Variants in DNAH5 observed in about 807,000 individuals in gnomAD.
DNAH5 encodes axonemal beta dynein heavy chain 5.
In DNAH5, 372 loss-of-function variants were observed where a neutral mutation model predicts 518.2. That is an observed-to-expected ratio of 0.72 (90% confidence interval 0.66 to 0.78). The LOEUF (loss-of-function observed/expected upper bound fraction) is 0.78. DNAH5 is among the 30% of genes least tolerant of loss of function. DNAH5 has a pLI of 0.00. For synonymous variants in DNAH5, 2,039 were observed against 2,025.9 expected (o/e 1.01, Z -0.17); for missense variants, 5,523 against 5,687.0 (o/e 0.97, Z 0.93).
intron 35 of DNAH5, among the ~76,000 whole-genome samples, chr5:13,834,682 T>C (rs1329377707): frequency 6.6e-6 from 1 of 152,112 alleles, no homozygotes; most frequent in East Asian, 1.9e-4. Flanking sequence ...TATGCCACTA[T>C]TGAAGGAAGA....
In DNAH5 at chr5:13,778,496, A is replaced by AGGG. The variant is rs1561233431; in HGVS notation, c.8952-1142_8952-1141insCCC. On this transcript the variant is annotated intron_variant, in intron 53 of 78. Coordinates refer to ENST00000265104, the MANE Select transcript of DNAH5 (RefSeq NM_001369.3). ...GAAGGAAAGAAGGAAGGAAGGAAGG[A>AGGG]AGGGAGGGAGGGAGGGAGGGGAGAG... Among the ~76,000 whole-genome samples, 323 of 84,806 alleles carry AGGG rather than the reference A, an allele frequency of 3.8e-3. 9 individuals carry two copies. The highest frequency in any genetic ancestry group is 7.8e-3 in the African/African-American group (157 of 20,084). 55.6% of individuals were successfully genotyped at this position (84,806 alleles called of 152,430 possible). A position where few individuals can be genotyped will look rare whatever the true frequency, so the allele number is the denominator to read the frequency against.
At chr5:13,911,230 T>C (rs2151977408) in intron 12 of DNAH5, 156 bp downstream of exon 12, 1 of 669,896 alleles carries the variant, frequency 1.5e-6, no homozygotes, top group Non-Finnish European at 2.7e-6. Flanking sequence ...CCTTCAATTA[T>C]TAATCTGAAA....
intron 1 of DNAH5, among the ~76,000 whole-genome samples, chr5:13,966,450 A>G (rs983222756): frequency 6.6e-6 from 1 of 152,180 alleles, no homozygotes; most frequent in African/African-American, 2.4e-5. Flanking sequence ...ACTGTTTTCC[A>G]TAGTGGTTGT....
chr5:13,954,996 G>A (rs1033752294), intron 1 of DNAH5, among the ~76,000 whole-genome samples: 14 of 152,066 alleles, frequency 9.2e-5, no homozygotes, highest in Admixed American at 5.2e-4. Flanking sequence ...CACAATCAAC[G>A]CGAAGTCAAA....
intron 2 of DNAH5, 22 bp from the exon 3 acceptor site, chr5:13,928,200 G>C (rs1022280631): frequency 1.3e-6 from 2 of 1,585,876 alleles, no homozygotes; most frequent in Non-Finnish European, 1.7e-6. Flanking sequence ...AAAAAGGCAA[G>C]ATAATGATTT....
chr5:13,825,940 T>A (rs1011060260), intron 38 of DNAH5, among the ~76,000 whole-genome samples: 2 of 152,250 alleles, frequency 1.3e-5, no homozygotes, highest in Non-Finnish European at 2.9e-5. Context: ...TATGCCTCAC[T>A]TAAGACTAGT....
chr5:13,909,806 G>T (rs10065877), intron 12 of DNAH5, among the ~76,000 whole-genome samples: 1 of 152,188 alleles, frequency 6.6e-6, no homozygotes, highest in African/African-American at 2.4e-5. Context: ...TGAGCTGCGA[G>T]GGCATATCTA....
chr5:13,835,569 C>T (rs1352105255), intron 35 of DNAH5, among the ~76,000 whole-genome samples: 2 of 152,034 alleles, frequency 1.3e-5, no homozygotes, highest in Non-Finnish European at 2.9e-5. Context: ...GACATCATTG[C>T]GATCTGCATT....
At chr5:13,900,086 C>T in intron 15 of DNAH5, 120 bp downstream of exon 15, 1 of 935,046 alleles carries the variant, frequency 1.1e-6, no homozygotes. Flanking sequence ...GCACTGTCCC[C>T]TCAGTCACTC....
chr5:13,871,652 C>T lies in DNAH5; in HGVS notation c.3510G>A (p.Glu1170=). The T allele has an allele frequency of 6.2e-7, 1 of 1,613,760 alleles. No individual in the cohort carries two copies. Residue 1170 remains glutamate, a synonymous_variant, in exon 23 of 79, where the codon GAG becomes GAA. Coordinates refer to ENST00000265104, the MANE Select transcript of DNAH5 (RefSeq NM_001369.3). ...ITQSPLLSEF[E]SQILYFQNLE... The stretch of plus-strand genomic sequence containing the variant: ...GGTTTTGGAAATAGAGAATCTGGGA[C>T]TCAAATTCAGAAAGCAAGGGGCTCT...
Position 13,919,308 on chromosome 5 carries a change from A to G in DNAH5, c.843T>C (p.Val281=), listed in dbSNP as rs1222842818. The G allele has an allele frequency of 1.9e-6, 3 of 1,614,174 alleles. No individual in the cohort carries two copies. Among genetic ancestry groups the G allele is most frequent in the Admixed American group, 3.3e-5 (2 of 60,018 alleles). The change falls in exon 7 of 79, where the codon GTT becomes GTC. Residue 281 remains valine (V), a synonymous_variant. Coordinates refer to ENST00000265104, the MANE Select transcript of DNAH5 (RefSeq NM_001369.3). ...AGTGCTCCAGCTCCGCTCGTGGCCC[A>G]ACGTCATCCGCTTCCTTCAGCAGCT... ...NNQLLKEADD[V]GPRAELEHWK...
intron 15 of DNAH5, 60 bp from the exon 16 acceptor site, chr5:13,894,881 T>C (rs1773714677): frequency 6.4e-7 from 1 of 1,568,298 alleles, no homozygotes; most frequent in African/African-American, 1.3e-5. Flanking sequence ...TCTGTTAATA[T>C]CTCATGTCTT....
At chr5:13,725,380 G>A (rs1427848170) in intron 70 of DNAH5, among the ~76,000 whole-genome samples, 1 of 152,200 alleles carries the variant, frequency 6.6e-6, no homozygotes, top group Non-Finnish European at 1.5e-5. Context: ...GACCCTGAAG[G>A]AGCAAAGAGC....
Position 13,922,269 on chromosome 5 carries a change from A to T in DNAH5, c.498T>A (p.Arg166=), listed in dbSNP as rs1273795279. The change falls in exon 5 of 79, where the codon CGT becomes CGA. Residue 166 remains arginine, a synonymous_variant. Coordinates refer to ENST00000265104, the MANE Select transcript of DNAH5 (RefSeq NM_001369.3). ...CAGGAATGAAGATGTCCGACAGCAA[A>T]CGTCTCACACTGTTGAGCAGGCCTC... ...ADGGLLNSVR[R]LLSDIFIPAL... 1 of 1,613,512 alleles carries T rather than the reference A, an allele frequency of 6.2e-7. No individual in the cohort carries two copies. The highest frequency in any genetic ancestry group is 8.5e-7 in the Non-Finnish European group (1 of 1,179,792).
At chr5:13,877,013 C>A (rs1770991119) in intron 21 of DNAH5, among the ~76,000 whole-genome samples, 196 bp from the exon 22 acceptor site, 1 of 151,314 alleles carries the variant, frequency 6.6e-6, no homozygotes, top group Non-Finnish European at 1.5e-5. Flanking sequence ...TTGCAATAAT[C>A]CAAAAAGTGT....
intron 61 of DNAH5, among the ~76,000 whole-genome samples, chr5:13,754,568 C>T (rs953583335): frequency 2.0e-5 from 3 of 152,068 alleles, no homozygotes; most frequent in East Asian, 3.9e-4. Context: ...GATAGAGTTT[C>T]GCTCTTGTTA....
At chr5:13,923,688 T>A (rs890173389) in intron 3 of DNAH5, among the ~76,000 whole-genome samples, 3 of 152,110 alleles carry the variant, frequency 2.0e-5, no homozygotes, top group African/African-American at 4.8e-5. Context: ...AGGAGGACAA[T>A]GTATCTACTG....
chr5:13,780,752 G>T, intron 53 of DNAH5, 77 bp downstream of exon 53: 2 of 1,487,180 alleles, frequency 1.3e-6, no homozygotes, highest in Non-Finnish European at 1.9e-6. Context: ...TAAGAGAAAT[G>T]CATTTGAACT....
At position 13,692,148 on chromosome 5, in the gene DNAH5, TAAAAG is replaced by T. The variant is rs756626821; in HGVS notation, c.13724-18_13724-14del. 6.2e-6 allele frequency: 10 copies of T among 1,613,796 alleles called. No homozygotes were observed. The Middle Eastern group carries it at 5.0e-4, about 80-fold the overall frequency. ...GGATCTCGTAAAGCTACAAAAAACA[TAAAAG>T]AAAAGAACTTGGTGAAATTTCCACT... On this transcript the variant is annotated splice_polypyrimidine_tract_variant and intron_variant, in intron 78 of 78. Transcript: ENST00000265104.
Sources: gnomAD v4.1 joint callset for allele counts (sites outside exome capture counted in the v4.1 genomes callset) on GRCh38, gnomAD v4.1.1 for gene constraint, MANE v1.5 for transcripts, NCBI Gene and HGNC (gene_info 2026-07-23, HGNC 2026-07-21) for gene names.